CORO2B: variants seen among roughly 807,000 people sequenced by gnomAD.
CORO2B encodes coronin-2B.
A neutral mutation model predicts 58.8 loss-of-function variants in CORO2B; 26 were observed. The observed-to-expected ratio is 0.44, with a 90% CI of 0.32 to 0.61. The LOEUF is 0.61. Ranked by LOEUF, CORO2B falls within the 20% of genes least tolerant of loss-of-function variation. The pLI is 0.04. For missense variants in CORO2B, 460 were observed against 645.1 expected (o/e 0.71, Z 3.11); for synonymous variants, 242 against 253.8 (o/e 0.95, Z 0.44).
At chr15:68,540,470 A>G in the CORO2B span, among the ~76,000 whole-genome samples, 2 of 152,236 alleles carry the variant, frequency 1.3e-5, no homozygotes, top group African/African-American at 2.4e-5. Flanking sequence ...TCTGCCAAAT[A>G]CACAAGTCTG....
intron 2 of CORO2B, among the ~76,000 whole-genome samples, chr15:68,658,915 C>A (rs930615477): frequency 1.1e-4 from 16 of 152,258 alleles, no homozygotes; most frequent in African/African-American, 3.4e-4. Context: ...GGCGGCTTTG[C>A]AGCCAGCTTT....
At chr15:68,646,718 A>G (rs1901442955) in intron 2 of CORO2B, among the ~76,000 whole-genome samples, 1 of 152,198 alleles carries the variant, frequency 6.6e-6, no homozygotes, top group South Asian at 2.1e-4. Context: ...TCCTCTGCCT[A>G]CATCTGTCAT....
chr15:68,646,913 G>A (rs1392739675), intron 2 of CORO2B, among the ~76,000 whole-genome samples: 1 of 152,104 alleles, frequency 6.6e-6, no homozygotes, highest in Non-Finnish European at 1.5e-5. Flanking sequence ...GAATCAGATG[G>A]CCTCCGATCA....
At chr15:68,557,629 G>A in the CORO2B span, among the ~76,000 whole-genome samples, 1 of 152,226 alleles carries the variant, frequency 6.6e-6, no homozygotes, top group Non-Finnish European at 1.5e-5. Flanking sequence ...GCAGCAGTGA[G>A]GCCTCACTAC....
chr15:68,536,340 G>A, the CORO2B span, among the ~76,000 whole-genome samples: 4 of 152,196 alleles, frequency 2.6e-5, no homozygotes, highest in African/African-American at 9.6e-5. Flanking sequence ...ACTTGCAAAG[G>A]TTGGTTTATT....
At chr15:68,547,953 T>C in the CORO2B span, among the ~76,000 whole-genome samples, 1 of 151,992 alleles carries the variant, frequency 6.6e-6, no homozygotes, top group Non-Finnish European at 1.5e-5. Context: ...GGTGGATCAC[T>C]TGAGGTCAGG....
At position 68,727,206 on chromosome 15, in the gene CORO2B, TAA is replaced by T. The variant is rs1409458971; in HGVS notation, c.*1234_*1235del. 6.5e-6 allele frequency: 1 copy of T among 152,672 alleles called. No individual in the cohort carries two copies. Among genetic ancestry groups the T allele is most frequent in the African/African-American group, 2.4e-5 (1 of 41,442 alleles). 9.5% of individuals were successfully genotyped at this position (152,672 alleles called of 1,614,324 possible). On this transcript the variant is annotated 3_prime_UTR_variant, in exon 12 of 12. Coordinates refer to ENST00000261861, the MANE Select transcript of CORO2B (RefSeq NM_006091.5). ...AGCCACTCGCATCCGTATAGCACTT[TAA>T]AGTTTCTGCAGTCCTTTGACACATA... is the stretch of plus-strand genomic sequence containing the variant.
At chr15:68,642,692 C>A (rs1901293498) in intron 1 of CORO2B, among the ~76,000 whole-genome samples, 1 of 152,132 alleles carries the variant, frequency 6.6e-6, no homozygotes, top group Admixed American at 6.5e-5. Context: ...CAGTGCCCCA[C>A]CCCCAGGATG....
chr15:68,582,225 T>C (rs1899444032), intron 1 of CORO2B, among the ~76,000 whole-genome samples: 1 of 152,258 alleles, frequency 6.6e-6, no homozygotes, highest in Non-Finnish European at 1.5e-5. Flanking sequence ...GGAGAACTTC[T>C]AGCCCTGTGG....
chr15:68,683,342 G>A (rs542470456), intron 2 of CORO2B, among the ~76,000 whole-genome samples: 4 of 152,308 alleles, frequency 2.6e-5, no homozygotes, highest in African/African-American at 2.4e-5. Flanking sequence ...TCCAGACCCC[G>A]CGTCCCCAGC....
upstream of CORO2B, among the ~76,000 whole-genome samples, chr15:68,574,400 A>G (rs144492201): frequency 2.2e-3 from 339 of 152,266 alleles, 5 homozygotes; most frequent in Admixed American, 0.016. Context: ...ACAATGCAGC[A>G]CCCACTCACC....
chr15:68,525,730 A>AT, the CORO2B span, among the ~76,000 whole-genome samples: 2 of 152,160 alleles, frequency 1.3e-5, no homozygotes, highest in African/African-American at 4.8e-5. Context: ...GGCTTGCTGG[A>AT]TTTTTTTAAA....
chr15:68,556,907 G>A, the CORO2B span, among the ~76,000 whole-genome samples: 2 of 152,132 alleles, frequency 1.3e-5, no homozygotes, highest in African/African-American at 4.8e-5. Context: ...GGGGACTCAC[G>A]AGAATCTTCC....
intron 1 of CORO2B, among the ~76,000 whole-genome samples, chr15:68,580,156 C>T (rs187657720): frequency 2.4e-4 from 37 of 152,292 alleles, no homozygotes; most frequent in African/African-American, 8.4e-4. Flanking sequence ...TAATATGGGT[C>T]CTGGGTTGTG....
At chr15:68,591,594 T>A (rs183989156) in intron 1 of CORO2B, among the ~76,000 whole-genome samples, 1 of 152,132 alleles carries the variant, frequency 6.6e-6, no homozygotes, top group East Asian at 1.9e-4. Flanking sequence ...GAGAGGTGAG[T>A]GGACATTCTC....
chr15:68,556,402 C>T, the CORO2B span, among the ~76,000 whole-genome samples: 1 of 152,200 alleles, frequency 6.6e-6, no homozygotes, highest in Admixed American at 6.5e-5. Context: ...CCCTACAACT[C>T]CTCACCCACA....
At chr15:68,581,587 G>A (rs1016041699) in intron 1 of CORO2B, among the ~76,000 whole-genome samples, 1 of 152,342 alleles carries the variant, frequency 6.6e-6, no homozygotes, top group South Asian at 2.1e-4. Flanking sequence ...TTTGTCAAAT[G>A]TAAGACTTGG....
At chr15:68,556,597 G>T in the CORO2B span, among the ~76,000 whole-genome samples, 1 of 152,272 alleles carries the variant, frequency 6.6e-6, no homozygotes, top group African/African-American at 2.4e-5. Flanking sequence ...GGCTTGGTGT[G>T]TGGAGTGGCT....
the CORO2B span, among the ~76,000 whole-genome samples, chr15:68,547,488 T>A: frequency 6.6e-6 from 1 of 152,170 alleles, no homozygotes. Flanking sequence ...CTACTCATTA[T>A]GCAGAATTTT....
Sources: gnomAD v4.1 joint callset for allele counts (sites outside exome capture counted in the v4.1 genomes callset) on GRCh38, gnomAD v4.1.1 for gene constraint, MANE v1.5 for transcripts, NCBI Gene and HGNC (gene_info 2026-07-23, HGNC 2026-07-21) for gene names.